Variants in PLEKHA2 observed in about 807,000 individuals in gnomAD.
The protein encoded by PLEKHA2 is pleckstrin homology domain-containing family A member 2.
Under a neutral mutation model 53.2 loss-of-function variants are expected in PLEKHA2, and 28 were observed. The ratio of observed to expected loss-of-function variants is 0.53; its 90% CI spans 0.39 to 0.72. The LOEUF is 0.72. Among genes scored for constraint, PLEKHA2 ranks in the 30% least tolerant of loss-of-function variants. The pLI, the probability that PLEKHA2 is intolerant of heterozygous loss-of-function variation, is 0.00. For missense variants in PLEKHA2, 426 were observed against 537.9 expected, an observed-to-expected ratio of 0.79 and a Z score of 2.06; for synonymous variants, 193 against 196.4, an observed-to-expected ratio of 0.98 and a Z score of 0.14.
chr8:38,961,822 CGTTTAACT>C (rs67141286), intron 10 of PLEKHA2, among the ~76,000 whole-genome samples: 45,339 of 151,678 alleles, frequency 0.3, 6,735 homozygotes, highest in Middle Eastern at 0.42. Flanking sequence ...AGATCTTGGT[CGTTTAACT>C]GTTTAACTCA....
At chr8:38,920,800 T>G (rs968691940) in intron 2 of PLEKHA2, among the ~76,000 whole-genome samples, 8 of 151,850 alleles carry the variant, frequency 5.3e-5, no homozygotes, top group East Asian at 3.9e-4. Context: ...CTGGTTTCTT[T>G]TTTTTTTTTC....
At chr8:38,930,677 G>A (rs1005293991) in intron 2 of PLEKHA2, among the ~76,000 whole-genome samples, 2 of 152,182 alleles carry the variant, frequency 1.3e-5, no homozygotes, top group East Asian at 1.9e-4. Context: ...GGCATGGCAC[G>A]GCATGACACG....
intron 1 of PLEKHA2, among the ~76,000 whole-genome samples, chr8:38,903,822 G>C (rs577216895): frequency 6.6e-6 from 1 of 152,286 alleles, no homozygotes; most frequent in Non-Finnish European, 1.5e-5. Flanking sequence ...ACTTATTCCG[G>C]TTGTGATAGA....
At position 38,920,211 on chromosome 8, in the gene PLEKHA2, C is replaced by T. The variant is rs931436494; in HGVS notation, c.141+2141C>T. Among the ~76,000 whole-genome samples, 13 of 150,914 alleles carry T rather than the reference C, an allele frequency of 8.6e-5. No homozygotes were observed. The South Asian group carries it at 1.1e-3, about 12-fold the overall frequency. On this transcript the variant is annotated intron_variant, in intron 2 of 11. Coordinates refer to ENST00000617275, the MANE Select transcript of PLEKHA2 (RefSeq NM_021623.2). ...TGTTGCCCAGGCTAGAGTGCAGTGG[C>T]GCGATCTCGGCTCGCTGCAAGCTCT...
intron 2 of PLEKHA2, among the ~76,000 whole-genome samples, chr8:38,935,090 T>A (rs1031009730): frequency 1.3e-5 from 2 of 152,176 alleles, no homozygotes; most frequent in Non-Finnish European, 2.9e-5. Context: ...CTTGGCTTAC[T>A]GCAACCTCCA....
chr8:38,969,371 C>A, intron 11 of PLEKHA2, 50 bp from the exon 12 acceptor site: 1 of 1,577,596 alleles, frequency 6.3e-7, no homozygotes, highest in South Asian at 1.2e-5. Context: ...TAAACATTGT[C>A]TGAAAAGCCC....
intron 1 of PLEKHA2, among the ~76,000 whole-genome samples, chr8:38,905,533 C>T (rs1759505628): frequency 6.6e-6 from 1 of 151,968 alleles, no homozygotes; most frequent in Admixed American, 6.6e-5. Flanking sequence ...CACCCAGCCC[C>T]TCCTCCTTCC....
chr8:38,960,449 G>A (rs959977275), intron 10 of PLEKHA2, among the ~76,000 whole-genome samples: 4 of 151,806 alleles, frequency 2.6e-5, no homozygotes, highest in East Asian at 1.9e-4. Context: ...ACTGCACTCC[G>A]GCCTGGGTGA....
At chr8:38,911,255 G>A (rs1402771892) in intron 1 of PLEKHA2, among the ~76,000 whole-genome samples, 1 of 128,050 alleles carries the variant, frequency 7.8e-6, no homozygotes, top group Non-Finnish European at 1.7e-5. Context: ...TTTTTTTTTT[G>A]AGAGGGAGTC....
chr8:38,941,785 G>A (rs1312087735), intron 3 of PLEKHA2, among the ~76,000 whole-genome samples: 1 of 152,196 alleles, frequency 6.6e-6, no homozygotes. Flanking sequence ...GTGAGAACAC[G>A]ATATTATGAT....
At chr8:38,918,899 C>A (rs946516651) in intron 2 of PLEKHA2, among the ~76,000 whole-genome samples, 1 of 152,214 alleles carries the variant, frequency 6.6e-6, no homozygotes, top group Non-Finnish European at 1.5e-5. Context: ...TGCTCTCACA[C>A]GCAGACACCA....
chr8:38,929,198 G>A (rs1424135517), intron 2 of PLEKHA2, among the ~76,000 whole-genome samples: 4 of 152,130 alleles, frequency 2.6e-5, no homozygotes, highest in South Asian at 4.1e-4. Context: ...CCCTCCCTCC[G>A]TCTCCTGCTA....
chr8:38,902,789 CCT>C (rs749119542), intron 1 of PLEKHA2, among the ~76,000 whole-genome samples: 5 of 152,162 alleles, frequency 3.3e-5, no homozygotes, highest in Admixed American at 1.3e-4. Context: ...AAACACAACC[CCT>C]GTCTTTATTT....
chr8:38,959,546 A>T (rs574223801), intron 10 of PLEKHA2, among the ~76,000 whole-genome samples: 75 of 152,320 alleles, frequency 4.9e-4, no homozygotes, highest in African/African-American at 1.7e-3. Flanking sequence ...GATGATCTTC[A>T]ACCCCAGCCC....
rs1351513878 is a variant in PLEKHA2 at position 38,969,519 on chromosome 8, G to A, written c.1014G>A (p.Leu338=). The change falls in exon 12 of 12, where the codon TTG becomes TTA. Residue 338 remains leucine (L), a synonymous_variant. Transcript: ENST00000617275. ...TCCTGTGCAGGGGGCGGCCACCTTT[G>A]GAGGAAAAGAAAGCCCTCTGCAAAG... ...NSILCRGRPP[L]EEKKALCKAP... 1 of 1,613,328 alleles carries A rather than the reference G, an allele frequency of 6.2e-7. No homozygotes were observed. The highest frequency in any genetic ancestry group is 8.5e-7 in the Non-Finnish European group (1 of 1,179,662).
chr8:38,936,748 C>G (rs1240168625), intron 3 of PLEKHA2, among the ~76,000 whole-genome samples: 2 of 152,242 alleles, frequency 1.3e-5, no homozygotes, highest in African/African-American at 4.8e-5. Context: ...CTCCCTGGAG[C>G]AGGCACCACT....
intron 1 of PLEKHA2, among the ~76,000 whole-genome samples, chr8:38,907,358 A>G (rs562637536): frequency 5.9e-5 from 9 of 152,336 alleles, no homozygotes; most frequent in East Asian, 1.9e-4. Context: ...AGTCAGGCAG[A>G]GTCTCCCATA....
intron 7 of PLEKHA2, 99 bp downstream of exon 7, chr8:38,952,411 C>G (rs1339949265): frequency 1.3e-6 from 2 of 1,490,906 alleles, no homozygotes; most frequent in East Asian, 4.9e-5. Context: ...CAGGAGGTGC[C>G]TCAGTCCTCC....
At chr8:38,967,550 TG>T (rs1835163511) in intron 10 of PLEKHA2, among the ~76,000 whole-genome samples, 1 of 152,216 alleles carries the variant, frequency 6.6e-6, no homozygotes, top group Non-Finnish European at 1.5e-5. Flanking sequence ...CTGACTGGTA[TG>T]AGATGATTTT....
Sources: allele counts gnomAD v4.1 joint callset (sites outside exome capture counted in the v4.1 genomes callset), GRCh38; gene constraint gnomAD v4.1.1; transcripts MANE v1.5; gene names NCBI Gene and HGNC (gene_info 2026-07-23, HGNC 2026-07-21).